Variants in PHACTR1 observed in about 807,000 individuals in gnomAD.
PHACTR1 encodes phosphatase and actin regulator 1.
PHACTR1 carries 16 observed loss-of-function variants against 69.2 expected under a neutral mutation model. That is an observed-to-expected ratio of 0.23 (90% CI 0.16 to 0.35). PHACTR1 has a LOEUF of 0.35. Ranked by LOEUF, PHACTR1 falls within the 10% of genes least tolerant of loss-of-function variation. The pLI, the probability that PHACTR1 is intolerant of heterozygous loss-of-function variation, is 1.00. For missense variants in PHACTR1, 510 were observed against 734.7 expected, an observed-to-expected ratio of 0.69 and a Z score of 3.54; for synonymous variants, 312 against 284.5, an observed-to-expected ratio of 1.10 and a Z score of -0.97.
At chr6:13,024,573 G>A (rs1801425077) in intron 4 of PHACTR1, among the ~76,000 whole-genome samples, 1 of 152,194 alleles carries the variant, frequency 6.6e-6, no homozygotes, top group Non-Finnish European at 1.5e-5. Context: ...CCACCAGACA[G>A]GAGCTCATCA....
chr6:13,269,965 C>G (rs1459352925), intron 10 of PHACTR1, among the ~76,000 whole-genome samples: 1 of 152,192 alleles, frequency 6.6e-6, no homozygotes, highest in Non-Finnish European at 1.5e-5. Context: ...AACTGGACAT[C>G]CTGTAATTCA....
intron 7 of PHACTR1, 107 bp from the exon 8 acceptor site, chr6:13,205,708 G>A: frequency 9.3e-7 from 1 of 1,077,522 alleles, no homozygotes; most frequent in Admixed American, 2.6e-5. Flanking sequence ...TTTTACCTAA[G>A]AGGCTCAACT....
intron 10 of PHACTR1, 150 bp from the exon 11 acceptor site, chr6:13,272,710 C>T (rs981622627): frequency 9.5e-6 from 15 of 1,579,180 alleles, no homozygotes; most frequent in African/African-American, 1.4e-5. Flanking sequence ...ACTGAGGAGG[C>T]GGTGGTGGCG....
intron 8 of PHACTR1, among the ~76,000 whole-genome samples, chr6:13,209,312 T>C (rs529332196): frequency 2.6e-5 from 4 of 152,230 alleles, no homozygotes; most frequent in Non-Finnish European, 2.9e-5. Context: ...CATGATTTCA[T>C]TCTTGTTCTA....
At chr6:13,085,035 T>C (rs754735782) in intron 5 of PHACTR1, among the ~76,000 whole-genome samples, 1 of 152,138 alleles carries the variant, frequency 6.6e-6, no homozygotes, top group Non-Finnish European at 1.5e-5. Context: ...CATGTAAGTA[T>C]TCAATATATA....
chr6:13,020,246 G>A (rs1800774311), intron 4 of PHACTR1, among the ~76,000 whole-genome samples: 2 of 152,200 alleles, frequency 1.3e-5, no homozygotes. Context: ...CAGCCAGAAG[G>A]TTAGCAGTAG....
intron 5 of PHACTR1, among the ~76,000 whole-genome samples, chr6:13,107,579 T>C (rs1290765003): frequency 1.3e-5 from 2 of 152,200 alleles, no homozygotes; most frequent in Non-Finnish European, 2.9e-5. Flanking sequence ...CTCTTTCTTC[T>C]TATGTTGCTT....
chr6:12,730,743 T>C lies in PHACTR1; in HGVS notation c.103+11896T>C, dbSNP rs77736522. Reference sequence around the variant, plus strand: ...CCATTTGTTATTTTTCCTGACCCTCTCCCTCCTCCCACCCTCCGGCCTCCA... The same window carrying C: ...CCATTTGTTATTTTTCCTGACCCTCCCCCTCCTCCCACCCTCCGGCCTCCA... On this transcript the variant is annotated intron_variant, in intron 3 of 14. Transcript: ENST00000332995. Among the ~76,000 whole-genome samples the C allele has an allele frequency of 6.0e-3, 917 of 152,288 alleles. 9 individuals carry two copies. The highest frequency in any genetic ancestry group is 0.021 in the African/African-American group (868 of 41,566).
intron 4 of PHACTR1, among the ~76,000 whole-genome samples, chr6:12,839,474 G>T (rs1778480546): frequency 1.3e-5 from 2 of 152,150 alleles, no homozygotes; most frequent in Non-Finnish European, 2.9e-5. Flanking sequence ...GTTTTGTCAT[G>T]CCATAAAGCA....
At chr6:13,181,360 G>A (rs1163821628) in intron 6 of PHACTR1, among the ~76,000 whole-genome samples, 1 of 152,188 alleles carries the variant, frequency 6.6e-6, no homozygotes, top group Non-Finnish European at 1.5e-5. Context: ...CTTGCTTCTG[G>A]TTTTAAGTCG....
chr6:13,001,901 C>A (rs114151758), intron 4 of PHACTR1, among the ~76,000 whole-genome samples: 1 of 152,178 alleles, frequency 6.6e-6, no homozygotes. Flanking sequence ...GTGATTACTG[C>A]GGGTAGCAAT....
intron 4 of PHACTR1, among the ~76,000 whole-genome samples, chr6:12,983,001 A>G (rs978806206): frequency 6.6e-5 from 10 of 152,236 alleles, no homozygotes; most frequent in African/African-American, 2.2e-4. Flanking sequence ...TTGATTTTAC[A>G]TATGAAGAAA....
intron 4 of PHACTR1, among the ~76,000 whole-genome samples, chr6:12,970,964 A>G (rs1472124863): frequency 6.6e-6 from 1 of 152,198 alleles, no homozygotes; most frequent in Non-Finnish European, 1.5e-5. Context: ...ATCATTGCCA[A>G]TGTCTTCTTA....
chr6:13,244,443 C>T (rs903269107), intron 10 of PHACTR1, among the ~76,000 whole-genome samples: 3 of 152,150 alleles, frequency 2.0e-5, no homozygotes, highest in Admixed American at 2.0e-4. Context: ...TGAGAATTTC[C>T]TCTTCCTAAT....
rs1583923236 is a variant in PHACTR1, at chr6:13,206,063, A to G, written c.913A>G (p.Met305Val). Residue 305 changes from methionine to valine, a missense_variant, in exon 8 of 15, where the codon ATG (methionine) becomes GTG (valine). By Grantham distance (21) the Met-to-Val change is conservative. Around this residue, in one of 2 missense-constraint regions of PHACTR1, gnomAD observed 419 missense variants for 530.9 expected, o/e 0.79. Coordinates refer to ENST00000332995, the MANE Select transcript of PHACTR1 (RefSeq NM_030948.6). ...CCCCTCCACCACCGGCTCCCTCCCC[A>G]TGCACCCCTCGGGCTGCAGAATGAT... Reference protein sequence around the residue: ...HLPSTTGSLPMHPSGCRMIDE... With the variant: ...HLPSTTGSLPVHPSGCRMIDE... The G allele has an allele frequency of 1.2e-6, 2 of 1,613,306 alleles. No homozygotes were observed. Among genetic ancestry groups the G allele is most frequent in the Admixed American group, 1.7e-5 (1 of 59,928 alleles).
intron 4 of PHACTR1, among the ~76,000 whole-genome samples, chr6:12,835,898 A>G (rs926952688): frequency 5.3e-4 from 81 of 152,200 alleles, no homozygotes; most frequent in African/African-American, 1.8e-3. Flanking sequence ...GAAATTTCAC[A>G]TATACTAATT....
intron 3 of PHACTR1, among the ~76,000 whole-genome samples, chr6:12,746,314 G>A (rs1401021564): frequency 6.6e-6 from 1 of 152,184 alleles, no homozygotes; most frequent in African/African-American, 2.4e-5. Context: ...TGGGCGGATT[G>A]CTTGAAACCA....
intron 10 of PHACTR1, among the ~76,000 whole-genome samples, chr6:13,264,454 C>A (rs1025626625): frequency 2.0e-5 from 3 of 152,190 alleles, no homozygotes; most frequent in African/African-American, 7.2e-5. Flanking sequence ...TGTGGTGGCT[C>A]ACACCTGTAA....
intron 12 of PHACTR1, chr6:13,280,332 G>C (rs1215493762): frequency 6.6e-6 from 1 of 152,500 alleles, no homozygotes; most frequent in Non-Finnish European, 1.5e-5. Flanking sequence ...GACTGGCTGG[G>C]GGGGTTAGAA....
Sources: allele counts gnomAD v4.1 joint callset (sites outside exome capture counted in the v4.1 genomes callset), GRCh38; gene constraint gnomAD v4.1.1; regional missense constraint gnomAD v4.1.1; transcripts MANE v1.5; gene names NCBI Gene and HGNC (gene_info 2026-07-23, HGNC 2026-07-21).